ERICH5: variants seen among roughly 807,000 people sequenced by gnomAD.
ERICH5 encodes glutamate-rich protein 5.
In ERICH5, 24 loss-of-function variants were observed where a neutral mutation model predicts 28.0. That is an observed-to-expected ratio of 0.86 (90% CI 0.62 to 1.21). The LOEUF (loss-of-function observed/expected upper bound fraction) is 1.21. Ranked by LOEUF, ERICH5 falls within the 50% of genes most tolerant of loss-of-function variation. The pLI, the probability that ERICH5 is intolerant of heterozygous loss-of-function variation, is 0.00. For synonymous variants in ERICH5, 163 were observed against 157.6 expected, an observed-to-expected ratio of 1.03 and a Z score of -0.25; for missense variants, 421 against 441.2, an observed-to-expected ratio of 0.95 and a Z score of 0.41.
intron 2 of ERICH5, among the ~76,000 whole-genome samples, chr8:98,091,730 C>T (rs1275622913): frequency 6.6e-6 from 1 of 152,188 alleles, no homozygotes; most frequent in African/African-American, 2.4e-5. Context: ...AAATGTTTAA[C>T]GATTGTTTTT....
At chr8:98,080,713 C>T (rs1218686764) in intron 1 of ERICH5, among the ~76,000 whole-genome samples, 6 of 143,662 alleles carry the variant, frequency 4.2e-5, no homozygotes, top group African/African-American at 1.6e-4. Flanking sequence ...CCCCCTCCCC[C>T]TCCCTCTCCT....
intron 1 of ERICH5, 122 bp from the exon 2 acceptor site, chr8:98,088,954 A>G (rs945767902): frequency 2.9e-6 from 2 of 698,996 alleles, no homozygotes; most frequent in Non-Finnish European, 4.7e-6. Context: ...GTACTCAGAT[A>G]TATTTGGAAC....
chr8:98,087,606 C>T (rs1340776818), intron 1 of ERICH5, among the ~76,000 whole-genome samples: 4 of 151,860 alleles, frequency 2.6e-5, no homozygotes, highest in Non-Finnish European at 4.4e-5. Context: ...TTGTTTTCCC[C>T]CTTTTGCCCT....
rs1209281680 is a variant in ERICH5 at position 98,073,545 on chromosome 8, T to A, written c.58+8818T>A. The stretch of plus-strand genomic sequence containing the variant: ...ATATATATATATATATATATATATA[T>A]AATTTTTTTTTTTTTGAGGCAGAGT... On this transcript the variant is annotated intron_variant, in intron 1 of 2. Coordinates refer to ENST00000318528, the MANE Select transcript of ERICH5 (RefSeq NM_173549.3). Among the ~76,000 whole-genome samples, 4 of 39,496 alleles carry A rather than the reference T, an allele frequency of 1.0e-4. 1 individual carries two copies. Among genetic ancestry groups the A allele is most frequent in the African/African-American group, 2.1e-4 (2 of 9,676 alleles). The allele number at this position is 39,496 out of a possible 152,430, so 25.9% of individuals were successfully genotyped here.
intron 1 of ERICH5, among the ~76,000 whole-genome samples, chr8:98,072,510 C>T (rs1190002682): frequency 4.6e-5 from 7 of 152,212 alleles, no homozygotes; most frequent in African/African-American, 1.4e-4. Context: ...TGGTGGCACA[C>T]GCTTGTTGTC....
intron 1 of ERICH5, among the ~76,000 whole-genome samples, chr8:98,071,920 T>A (rs79394099): frequency 1.3e-3 from 191 of 150,376 alleles, no homozygotes; most frequent in Middle Eastern, 6.9e-3. Flanking sequence ...ATTTTATTTT[T>A]TTTTTTTGGT....
intron 1 of ERICH5, among the ~76,000 whole-genome samples, chr8:98,078,869 T>G (rs79924902): frequency 0.15 from 22,534 of 152,242 alleles, 1,822 homozygotes; most frequent in South Asian, 0.2. Flanking sequence ...CTGTCTACAA[T>G]ATTTATTATA....
Position 98,064,639 on chromosome 8 carries a change from A to G in ERICH5, c.-31A>G, listed in dbSNP as rs1338994883. The G allele has an allele frequency of 2.0e-6, 3 of 1,490,232 alleles. No homozygotes were observed. The highest frequency in any genetic ancestry group is 5.1e-5 in the East Asian group (2 of 39,172). The allele number at this position is 1,490,232 out of a possible 1,614,324, so 92.3% of individuals were successfully genotyped here. A position where few individuals can be genotyped will look rare whatever the true frequency, so the allele number is the denominator to read the frequency against. ...CCCGGTTCCGGGCCGACACCCGCGC[A>G]GGGCTGAGACAGGTGTCTGCGCTCC... On this transcript the variant is annotated 5_prime_UTR_variant, in exon 1 of 3. Transcript: ENST00000318528.
intron 2 of ERICH5, among the ~76,000 whole-genome samples, chr8:98,091,897 T>C (rs199991292): frequency 0.045 from 2,040 of 45,038 alleles, 22 homozygotes; most frequent in Admixed American, 0.063. Context: ...TCTTTCTTTC[T>C]TTCCTTTCTT....
chr8:98,091,213 G>A (rs1815376935), intron 2 of ERICH5, among the ~76,000 whole-genome samples: 1 of 152,176 alleles, frequency 6.6e-6, no homozygotes, highest in Non-Finnish European at 1.5e-5. Flanking sequence ...CGGGATTACA[G>A]GCATGAGCCA....
At chr8:98,091,920 CCTT>C (rs1815409305) in intron 2 of ERICH5, among the ~76,000 whole-genome samples, 1 of 26,764 alleles carries the variant, frequency 3.7e-5, no homozygotes, top group African/African-American at 1.2e-4. Flanking sequence ...TTTCTTTCTT[CCTT>C]TCTTTCTTTC....
At chr8:98,092,468 C>T (rs1586209718) in intron 2 of ERICH5, among the ~76,000 whole-genome samples, 1 of 152,280 alleles carries the variant, frequency 6.6e-6, no homozygotes, top group South Asian at 2.1e-4. Flanking sequence ...AGCTGTCCAG[C>T]TAATTTTTGA....
chr8:98,079,590 A>G (rs1177870288), intron 1 of ERICH5, among the ~76,000 whole-genome samples: 1 of 152,144 alleles, frequency 6.6e-6, no homozygotes, highest in African/African-American at 2.4e-5. Context: ...CTCAGGCTGG[A>G]GTGCAGTGGC....
At chr8:98,083,794 C>T (rs559659371) in intron 1 of ERICH5, among the ~76,000 whole-genome samples, 2 of 152,324 alleles carry the variant, frequency 1.3e-5, no homozygotes, top group East Asian at 3.9e-4. Context: ...GATGTAAAAT[C>T]TACAACCATC....
intron 2 of ERICH5, 118 bp from the exon 3 acceptor site, chr8:98,093,103 G>T: frequency 4.7e-6 from 3 of 637,464 alleles, no homozygotes; most frequent in Non-Finnish European, 5.4e-6. Flanking sequence ...TACCCCCAGA[G>T]AAACTTACTG....
chr8:98,073,270 T>C (rs971791801), intron 1 of ERICH5, among the ~76,000 whole-genome samples: 1 of 150,452 alleles, frequency 6.6e-6, no homozygotes, highest in Non-Finnish European at 1.5e-5. Context: ...TTAATACATA[T>C]AATGCACTGA....
At chr8:98,078,797 G>A (rs1815110291) in intron 1 of ERICH5, among the ~76,000 whole-genome samples, 1 of 152,212 alleles carries the variant, frequency 6.6e-6, no homozygotes, top group African/African-American at 2.4e-5. Flanking sequence ...ATGATTTGAT[G>A]AAATGTGGAG....
At chr8:98,078,022 T>G (rs572087953) in intron 1 of ERICH5, among the ~76,000 whole-genome samples, 38 of 152,334 alleles carry the variant, frequency 2.5e-4, no homozygotes, top group African/African-American at 8.4e-4. Flanking sequence ...TTATTTACCC[T>G]CAAATCATTT....
At chr8:98,075,785 C>CTTTTTTTTTT (rs1296283210) in intron 1 of ERICH5, among the ~76,000 whole-genome samples, 904 of 81,556 alleles carry the variant, frequency 0.011, 133 homozygotes, top group African/African-American at 0.038. Context: ...GCACACCTGC[C>CTTTTTTTTTT]TTTTTTTTTT....
Sources: allele counts gnomAD v4.1 joint callset (sites outside exome capture counted in the v4.1 genomes callset), GRCh38; gene constraint gnomAD v4.1.1; transcripts MANE v1.5; gene names NCBI Gene and HGNC (gene_info 2026-07-23, HGNC 2026-07-21).